Variants in NIPBL observed in about 807,000 individuals in gnomAD.
NIPBL encodes the protein NIPBL cohesin loading factor.
In NIPBL, 19 loss-of-function variants were observed where a neutral mutation model predicts 321.8. The ratio of observed to expected loss-of-function variants is 0.06; its 90% CI spans 0.04 to 0.09. NIPBL has a LOEUF of 0.09. Among genes scored for constraint, NIPBL ranks in the 10% least tolerant of loss-of-function variants. The probability of loss-of-function intolerance (pLI) is 1.00; values close to 1 mark genes in which losing one functional copy is unlikely to be tolerated. For missense variants in NIPBL, 2,210 were observed against 3,327.0 expected, an observed-to-expected ratio of 0.66 and a Z score of 8.26; for synonymous variants, 1,106 against 1,114.1, an observed-to-expected ratio of 0.99 and a Z score of 0.14.
chr5:36,903,196 A>G (rs531625618), intron 1 of NIPBL, among the ~76,000 whole-genome samples: 144 of 152,252 alleles, frequency 9.5e-4, no homozygotes, highest in Non-Finnish European at 1.0e-3. Context: ...TAGGAATAGG[A>G]TCATTATCAT....
chr5:37,036,459 C>T lies in NIPBL; in HGVS notation c.5943C>T (p.His1981=). Reference sequence around the variant, plus strand: ...AACTTGTTGATAACCTAGTTGAGCACATTCTTAAATATGAGGAATCTCTAG... The same window carrying T: ...AACTTGTTGATAACCTAGTTGAGCATATTCTTAAATATGAGGAATCTCTAG... ...CTQLVDNLVE[H]ILKYEESLAD... Residue 1981 remains histidine (H), a synonymous_variant, in exon 33 of 47, where the codon CAC becomes CAT. Transcript: ENST00000282516. 6.8e-7 allele frequency: 1 copy of T among 1,461,624 alleles called. No homozygotes were observed. The highest frequency in any genetic ancestry group is 9.2e-7 in the Non-Finnish European group (1 of 1,092,804). 90.5% of individuals were successfully genotyped at this position (1,461,624 alleles called of 1,614,324 possible).
intron 40 of NIPBL, among the ~76,000 whole-genome samples, chr5:37,049,606 C>T (rs1056787688): frequency 2.0e-5 from 3 of 152,054 alleles, no homozygotes; most frequent in African/African-American, 7.2e-5. Flanking sequence ...CCCTAAGATC[C>T]AACAATCTAT....
intron 6 of NIPBL, among the ~76,000 whole-genome samples, chr5:36,965,626 C>T (rs768441129): frequency 6.6e-6 from 1 of 151,952 alleles, no homozygotes; most frequent in Non-Finnish European, 1.5e-5. Flanking sequence ...CTGTAGTTGA[C>T]AGCAATCTAT....
chr5:36,988,317 A>G (rs1745082618), intron 10 of NIPBL, among the ~76,000 whole-genome samples: 1 of 152,044 alleles, frequency 6.6e-6, no homozygotes. Context: ...GTGTCTGCCT[A>G]TTAGAGTGAT....
intron 7 of NIPBL, among the ~76,000 whole-genome samples, chr5:36,971,495 A>G (rs915062427): frequency 3.9e-5 from 6 of 152,022 alleles, no homozygotes; most frequent in Non-Finnish European, 7.4e-5. Context: ...ATACTTGTAC[A>G]AAGTTTTGTG....
Position 37,010,247 on chromosome 5 carries a change from T to G in NIPBL, c.4560+22T>G. ...AAAAGTAAGGAATCTATTAAAGGTTTTACAACTGTACTTTTATTGAAGGAA... is the reference window on the plus strand; with the variant it reads ...AAAAGTAAGGAATCTATTAAAGGTTGTACAACTGTACTTTTATTGAAGGAA... On this transcript the variant is annotated intron_variant, in intron 21 of 46. Coordinates refer to ENST00000282516, the MANE Select transcript of NIPBL (RefSeq NM_133433.4). 2.6e-6 allele frequency: 4 copies of G among 1,545,878 alleles called. No individual in the cohort carries two copies. The South Asian group carries it at 4.5e-5, about 17-fold the overall frequency.
chr5:36,930,105 G>A (rs1462606801), intron 1 of NIPBL, among the ~76,000 whole-genome samples: 3 of 151,512 alleles, frequency 2.0e-5, no homozygotes, highest in African/African-American at 7.3e-5. Flanking sequence ...TTATTTCTAT[G>A]GAAAAAAAAC....
intron 10 of NIPBL, among the ~76,000 whole-genome samples, chr5:36,994,446 T>A (rs1745899940): frequency 6.6e-6 from 1 of 152,184 alleles, no homozygotes; most frequent in Non-Finnish European, 1.5e-5. Flanking sequence ...GTTATTTGAT[T>A]GTATCGTCTT....
intron 10 of NIPBL, among the ~76,000 whole-genome samples, chr5:36,994,847 C>T (rs897133902): frequency 6.7e-6 from 1 of 148,640 alleles, no homozygotes; most frequent in Non-Finnish European, 1.5e-5. Context: ...TATAATGGCT[C>T]TTATTGTCTT....
At chr5:36,914,875 A>C (rs1748339108) in intron 1 of NIPBL, among the ~76,000 whole-genome samples, 5 of 152,154 alleles carry the variant, frequency 3.3e-5, no homozygotes, top group Admixed American at 3.3e-4. Context: ...GAGCTTGTAG[A>C]GTTTTGAGAT....
At position 36,981,117 on chromosome 5, in the gene NIPBL, A is replaced by G. The variant is rs144516145; in HGVS notation, c.1496-3559A>G. On this transcript the variant is annotated intron_variant, in intron 9 of 46. Transcript: ENST00000282516. ...TATATTCAAACATTTGGCACTGAGG[A>G]CTTTTTTACAACTGTTGTATTACTA... 1.7e-3 allele frequency among the ~76,000 whole-genome samples: 254 copies of G among 151,770 alleles called. 1 individual carries two copies. Among genetic ancestry groups the G allele is most frequent in the Non-Finnish European group, 2.0e-3 (135 of 67,722 alleles).
Position 36,986,306 on chromosome 5 carries a change from G to C in NIPBL, c.3121+5G>C. On this transcript the variant is annotated splice_donor_5th_base_variant and intron_variant, in intron 10 of 46. Transcript: ENST00000282516. ...AACCATCAAAGTCAAATAAAGGTAAGAATACTTCTACTGATGTCATTTATA... is the reference window on the plus strand; with the variant it reads ...AACCATCAAAGTCAAATAAAGGTAACAATACTTCTACTGATGTCATTTATA... The C allele has an allele frequency of 6.7e-7, 1 of 1,482,128 alleles. No individual in the cohort carries two copies. Among genetic ancestry groups the C allele is most frequent in the Non-Finnish European group, 9.0e-7 (1 of 1,115,114 alleles). The allele number at this position is 1,482,128 out of a possible 1,614,324, so 91.8% of individuals were successfully genotyped here. A position where few individuals can be genotyped will look rare whatever the true frequency, so the allele number is the denominator to read the frequency against.
Position 37,030,834 on chromosome 5 carries a change from G to A in NIPBL, c.5862+3422G>A, listed in dbSNP as rs938466814. On this transcript the variant is annotated intron_variant, in intron 32 of 46. Coordinates refer to ENST00000282516, the MANE Select transcript of NIPBL (RefSeq NM_133433.4). ...CAGTGGCACCATCATGGCCCACTGT[G>A]GCCTCAACCTCCCTGGCTCAAGCAG... 6.0e-5 allele frequency among the ~76,000 whole-genome samples: 9 copies of A among 150,104 alleles called. No individual in the cohort carries two copies. In the South Asian group the frequency reaches 1.7e-3, roughly 28 times the overall value.
intron 10 of NIPBL, among the ~76,000 whole-genome samples, chr5:36,991,593 A>G (rs1307708219): frequency 1.3e-5 from 2 of 152,092 alleles, no homozygotes; most frequent in African/African-American, 2.4e-5. Context: ...TTACATAATG[A>G]GTAGTAAATT....
At chr5:37,055,835 A>G (rs1754030046) in intron 42 of NIPBL, among the ~76,000 whole-genome samples, 1 of 151,852 alleles carries the variant, frequency 6.6e-6, no homozygotes, top group Admixed American at 6.6e-5. Context: ...GTGAGACCCT[A>G]TCTCTACAAA....
chr5:37,029,032 A>T (rs1750647734), intron 32 of NIPBL, among the ~76,000 whole-genome samples: 1 of 152,232 alleles, frequency 6.6e-6, no homozygotes, highest in African/African-American at 2.4e-5. Context: ...CTAGAGGCTT[A>T]ATATGATTAA....
In NIPBL at chr5:37,018,937, T is replaced by C. The variant is rs1749309094; in HGVS notation, c.4921-374T>C. Among the ~76,000 whole-genome samples, 4 of 152,062 alleles carry C rather than the reference T, an allele frequency of 2.6e-5. No individual in the cohort carries two copies. The South Asian group carries it at 8.3e-4, about 31-fold the overall frequency. The stretch of plus-strand genomic sequence containing the variant: ...AGCCAACATGGTGAAACCCTGTCTC[T>C]ACTAAAAATACAAAAATTAGCCAGG... On this transcript the variant is annotated intron_variant, in intron 24 of 46. Transcript: ENST00000282516.
intron 34 of NIPBL, among the ~76,000 whole-genome samples, chr5:37,041,252 GTTTTTTTTTTTTTTTT>G (rs1163179336): frequency 3.1e-5 from 2 of 64,006 alleles, no homozygotes; most frequent in South Asian, 4.9e-4. Flanking sequence ...TTATGTGGTG[GTTTTTTTTTTTTTTTT>G]TTTTTTTTTT....
chr5:36,945,581 C>T (rs764400871), intron 1 of NIPBL, among the ~76,000 whole-genome samples: 2 of 152,094 alleles, frequency 1.3e-5, no homozygotes, highest in African/African-American at 4.8e-5. Context: ...TGGTATCCAG[C>T]GGTGGCTGCA....
Sources: allele counts gnomAD v4.1 joint callset (sites outside exome capture counted in the v4.1 genomes callset), GRCh38; gene constraint gnomAD v4.1.1; transcripts MANE v1.5; gene names NCBI Gene and HGNC (gene_info 2026-07-23, HGNC 2026-07-21).